The following C1orf146 variants were observed in gnomAD, a reference collection of about 807,000 sequenced individuals.
The protein encoded by C1orf146 is protein SPO16 homolog.
In C1orf146, 22 loss-of-function variants were observed where a neutral mutation model predicts 23.0. The ratio of observed to expected loss-of-function variants is 0.96; its 90% CI spans 0.68 to 1.36. C1orf146 has a LOEUF of 1.36. Ranked by LOEUF, C1orf146 falls within the 40% of genes most tolerant of loss-of-function variation. The pLI, the probability that C1orf146 is intolerant of heterozygous loss-of-function variation, is 0.00. For synonymous variants in C1orf146, 59 were observed against 65.3 expected (o/e 0.90, Z 0.47); for missense variants, 199 against 206.8 (o/e 0.96, Z 0.23).
chr1:92,226,702 T>G (rs935185784), intron 1 of C1orf146, among the ~76,000 whole-genome samples: 1 of 152,214 alleles, frequency 6.6e-6, no homozygotes, highest in South Asian at 2.1e-4. Context: ...CATATGGTTT[T>G]TCCCTTGTCA....
chr1:92,229,859 A>G (rs1459802874), intron 1 of C1orf146, among the ~76,000 whole-genome samples: 3 of 152,208 alleles, frequency 2.0e-5, no homozygotes, highest in African/African-American at 7.2e-5. Flanking sequence ...AAAATGGGCA[A>G]AAGACATGTG....
chr1:92,229,814 C>G (rs1172706766), intron 1 of C1orf146, among the ~76,000 whole-genome samples: 1 of 151,820 alleles, frequency 6.6e-6, no homozygotes, highest in Non-Finnish European at 1.5e-5. Flanking sequence ...CAAAGAAATC[C>G]TACAAATATA....
chr1:92,245,479 G>T, intron 5 of C1orf146, 61 bp from the exon 6 acceptor site: 1 of 1,320,728 alleles, frequency 7.6e-7, no homozygotes, highest in Non-Finnish European at 1.1e-6. Context: ...ATTTTTAAAT[G>T]TGACCTTGTG....
In C1orf146 at chr1:92,232,355, C is replaced by T. The variant is rs1245096708; in HGVS notation, c.66+869C>T. 4.7e-5 allele frequency among the ~76,000 whole-genome samples: 7 copies of T among 149,346 alleles called. No homozygotes were observed. The East Asian group carries it at 8.1e-4, about 17-fold the overall frequency. On this transcript the variant is annotated intron_variant, in intron 2 of 5. Coordinates refer to ENST00000370375, the MANE Select transcript of C1orf146 (RefSeq NM_001012425.2). Reference sequence around the variant, plus strand: ...ATTTCCACCTATGAGTGAGAACATGCGGTGTTTGGTTTTTTGTCCTTGCGA... The same window carrying T: ...ATTTCCACCTATGAGTGAGAACATGTGGTGTTTGGTTTTTTGTCCTTGCGA...
intron 1 of C1orf146, among the ~76,000 whole-genome samples, chr1:92,220,167 A>G (rs3131823): frequency 1 from 151,749 of 152,240 alleles, 75,635 homozygotes; most frequent in Non-Finnish European, 1. Context: ...CCTAGAATCG[A>G]CCATTTCTCC....
At chr1:92,234,225 G>C (rs934084904) in intron 2 of C1orf146, among the ~76,000 whole-genome samples, 5 of 151,274 alleles carry the variant, frequency 3.3e-5, no homozygotes, top group African/African-American at 4.8e-5. Flanking sequence ...TTTGCCCATT[G>C]AGTATGATAT....
intron 3 of C1orf146, among the ~76,000 whole-genome samples, chr1:92,243,765 G>A (rs76405648): frequency 5.9e-5 from 9 of 152,232 alleles, no homozygotes; most frequent in South Asian, 4.1e-4. Context: ...CAGAGAAGGC[G>A]TTGAAGCTCC....
chr1:92,243,494 A>C (rs1188699780), intron 3 of C1orf146, among the ~76,000 whole-genome samples: 1 of 152,070 alleles, frequency 6.6e-6, no homozygotes, highest in Non-Finnish European at 1.5e-5. Flanking sequence ...TTACAGGCAC[A>C]TACCACCACA....
intron 5 of C1orf146, 77 bp downstream of exon 5, chr1:92,244,934 C>A: frequency 2.4e-6 from 2 of 822,648 alleles, no homozygotes; most frequent in Non-Finnish European, 2.0e-6. Context: ...CCCTTTTGAG[C>A]GAGACTGGCA....
intron 4 of C1orf146, 73 bp downstream of exon 4, chr1:92,244,458 AG>A (rs1397533727): frequency 8.0e-7 from 1 of 1,254,988 alleles, no homozygotes; most frequent in Non-Finnish European, 1.1e-6. Flanking sequence ...CTTTTAGGTA[AG>A]TTTTGTTTTG....
chr1:92,230,302 C>T (rs1652085876), intron 1 of C1orf146, among the ~76,000 whole-genome samples: 1 of 144,108 alleles, frequency 6.9e-6, no homozygotes, highest in African/African-American at 2.6e-5. Context: ...CCCCCGATCT[C>T]CACAATAAGT....
intron 2 of C1orf146, among the ~76,000 whole-genome samples, chr1:92,238,762 A>G (rs1652357189): frequency 2.0e-5 from 3 of 152,310 alleles, no homozygotes; most frequent in East Asian, 1.9e-4. Flanking sequence ...TGACTTGTGT[A>G]TACCTTACAC....
intron 1 of C1orf146, among the ~76,000 whole-genome samples, chr1:92,218,756 G>T (rs1022744139): frequency 1.3e-5 from 2 of 151,872 alleles, no homozygotes; most frequent in African/African-American, 2.4e-5. Context: ...CACGCTCAGC[G>T]TTCACCTCCC....
intron 5 of C1orf146, 107 bp downstream of exon 5, chr1:92,244,964 C>A: frequency 1.5e-6 from 1 of 647,974 alleles, no homozygotes; most frequent in Admixed American, 2.5e-5. Context: ...CTTCTGTTCC[C>A]CTGCGGGAGT....
At chr1:92,243,303 A>G (rs1652475270) in intron 3 of C1orf146, among the ~76,000 whole-genome samples, 1 of 152,078 alleles carries the variant, frequency 6.6e-6, no homozygotes, top group Admixed American at 6.6e-5. Flanking sequence ...ACACTGTTTC[A>G]GAGATTGCAG....
chr1:92,221,293 A>G (rs1651812074), intron 1 of C1orf146, among the ~76,000 whole-genome samples: 1 of 152,142 alleles, frequency 6.6e-6, no homozygotes, highest in Non-Finnish European at 1.5e-5. Context: ...GTACATATGG[A>G]CATAAAGATA....
rs143525098 is a variant in C1orf146, at chr1:92,241,411, C to T, written c.67-801C>T. 2.6e-3 allele frequency among the ~76,000 whole-genome samples: 399 copies of T among 151,760 alleles called. 3 individuals are homozygous for T. Among genetic ancestry groups the T allele is most frequent in the South Asian group, 9.4e-3 (45 of 4,788 alleles). On this transcript the variant is annotated intron_variant, in intron 2 of 5. Transcript: ENST00000370375. ...GAGAAGCAGTTTTGCCATGTTGCCC[C>T]GGCTGGTCTTGAACTTCTGGACTCA...
intron 2 of C1orf146, among the ~76,000 whole-genome samples, chr1:92,232,299 C>T (rs1468085142): frequency 2.8e-5 from 4 of 143,384 alleles, no homozygotes; most frequent in Non-Finnish European, 4.5e-5. Flanking sequence ...GTGATGTTCC[C>T]CTTCCTGCGT....
intron 1 of C1orf146, among the ~76,000 whole-genome samples, chr1:92,222,535 GTTTTT>G: frequency 5.0e-5 from 3 of 60,582 alleles, no homozygotes; most frequent in Admixed American, 1.8e-4. Context: ...CCCTTCTTCG[GTTTTT>G]TTTTTTTTTT....
Sources: allele counts gnomAD v4.1 joint callset (sites outside exome capture counted in the v4.1 genomes callset), GRCh38; gene constraint gnomAD v4.1.1; transcripts MANE v1.5; gene names NCBI Gene and HGNC (gene_info 2026-07-23, HGNC 2026-07-21).